Variants in CFAP20DC observed in about 807,000 individuals in gnomAD.
The protein encoded by CFAP20DC is protein CFAP20DC.
Under a neutral mutation model 101.7 loss-of-function variants are expected in CFAP20DC, and 84 were observed. The ratio of observed to expected loss-of-function variants is 0.83; its 90% CI spans 0.69 to 0.99. CFAP20DC has a LOEUF of 0.99. Ranked by LOEUF, CFAP20DC falls within the 50% of genes least tolerant of loss-of-function variation. CFAP20DC has a pLI of 0.00. For synonymous variants in CFAP20DC, 359 were observed against 351.2 expected (o/e 1.02, Z -0.25); for missense variants, 1,007 against 970.3 (o/e 1.04, Z -0.50).
chr3:58,744,066 T>C (rs1230834854), intron 16 of CFAP20DC, among the ~76,000 whole-genome samples: 1 of 152,222 alleles, frequency 6.6e-6, no homozygotes, highest in Admixed American at 6.5e-5. Context: ...TAGCAGTCTT[T>C]AAAAGTGGAG....
intron 6 of CFAP20DC, among the ~76,000 whole-genome samples, chr3:58,909,082 G>T: frequency 6.6e-6 from 1 of 152,062 alleles, no homozygotes; most frequent in South Asian, 2.1e-4. Flanking sequence ...GCTAGACACA[G>T]GTCTTTACCT....
rs543846367 is a variant in CFAP20DC, at chr3:58,810,889, A to C, written c.2176-4433T>G. Among the ~76,000 whole-genome samples, 540 of 151,930 alleles carry C rather than the reference A, an allele frequency of 3.6e-3. 2 individuals are homozygous for C. Among genetic ancestry groups the C allele is most frequent in the Non-Finnish European group, 4.6e-3 (315 of 68,012 alleles). The stretch of plus-strand genomic sequence containing the variant: ...TACAAAATCAATGTACAAAAATCAC[A>C]AGCATTCTTATACACCAATAACAGG... On this transcript the variant is annotated intron_variant, in intron 14 of 16. Transcript: ENST00000482387.
chr3:58,994,626 T>C (rs866442422), intron 4 of CFAP20DC, among the ~76,000 whole-genome samples: 82 of 152,270 alleles, frequency 5.4e-4, no homozygotes, highest in Middle Eastern at 3.4e-3. Context: ...GTACAATATA[T>C]ATCTAAATTG....
intron 3 of CFAP20DC, chr3:58,725,806 G>A (rs772755035): frequency 4.8e-6 from 1 of 207,248 alleles, no homozygotes; most frequent in Non-Finnish European, 9.8e-6. Flanking sequence ...GTAATGAGGA[G>A]AGTTCACCAA....
chr3:58,998,555 T>C (rs777852465), intron 4 of CFAP20DC, among the ~76,000 whole-genome samples: 13 of 152,192 alleles, frequency 8.5e-5, no homozygotes, highest in Non-Finnish European at 1.9e-4. Flanking sequence ...TTCACAATAA[T>C]CCTATGAGGC....
intron 4 of CFAP20DC, among the ~76,000 whole-genome samples, chr3:58,946,320 T>C (rs550848032): frequency 1.3e-5 from 2 of 152,008 alleles, no homozygotes; most frequent in South Asian, 4.2e-4. Context: ...TTTCACTATG[T>C]TGGCCAGGCT....
At chr3:58,834,296 G>C (rs2076591057) in intron 13 of CFAP20DC, among the ~76,000 whole-genome samples, 1 of 152,182 alleles carries the variant, frequency 6.6e-6, no homozygotes, top group Non-Finnish European at 1.5e-5. Context: ...CAAGTGACTT[G>C]CTGTTCTTCA....
intron 3 of CFAP20DC, among the ~76,000 whole-genome samples, chr3:59,042,278 G>A (rs866638210): frequency 1.3e-5 from 2 of 152,018 alleles, no homozygotes; most frequent in South Asian, 2.1e-4. Flanking sequence ...AGACAGAAGA[G>A]GAAATGCAGC....
At chr3:58,936,584 C>A (rs1033547242) in intron 5 of CFAP20DC, among the ~76,000 whole-genome samples, 1 of 152,170 alleles carries the variant, frequency 6.6e-6, no homozygotes, top group Admixed American at 6.5e-5. Flanking sequence ...CCATGGAATA[C>A]TATGCAGCCA....
chr3:58,988,905 C>G (rs2092839067), intron 4 of CFAP20DC, among the ~76,000 whole-genome samples: 1 of 152,008 alleles, frequency 6.6e-6, no homozygotes, highest in Non-Finnish European at 1.5e-5. Flanking sequence ...CCCATGGTTC[C>G]AAATGTTATG....
downstream of CFAP20DC, among the ~76,000 whole-genome samples, chr3:58,740,743 G>A (rs765799814): frequency 1.3e-5 from 2 of 151,678 alleles, no homozygotes; most frequent in Middle Eastern, 3.2e-3. This position sits in a 1 kb window ranked among gnomAD's most constrained non-coding sequence, Gnocchi z 4.6. Flanking sequence ...AAGTCTTCAC[G>A]AATATAAATT....
chr3:58,850,648 T>G (rs988372082), intron 12 of CFAP20DC, among the ~76,000 whole-genome samples: 2 of 144,770 alleles, frequency 1.4e-5, no homozygotes, highest in Non-Finnish European at 3.1e-5. Flanking sequence ...AAACAAAATA[T>G]ATAATAAATG....
intron 4 of CFAP20DC, among the ~76,000 whole-genome samples, chr3:58,973,059 T>C (rs998044777): frequency 3.9e-5 from 6 of 152,218 alleles, no homozygotes; most frequent in African/African-American, 9.6e-5. Context: ...GATTAAATGT[T>C]AGCAGCTCCC....
chr3:58,771,512 G>A (rs77141909), intron 15 of CFAP20DC, among the ~76,000 whole-genome samples: 10,981 of 152,036 alleles, frequency 0.072, 684 homozygotes, highest in East Asian at 0.35. Context: ...TAAGGGGATC[G>A]GAACAAGCTA....
intron 15 of CFAP20DC, among the ~76,000 whole-genome samples, chr3:58,773,397 AAAAAAGAAAAAG>A (rs1200043663): frequency 6.7e-6 from 1 of 149,862 alleles, no homozygotes; most frequent in African/African-American, 2.5e-5. Context: ...GCAAAAAAAA[AAAAAAGAAAAAG>A]AAAAAGAAAA....
chr3:59,039,177 T>C (rs183215367), intron 4 of CFAP20DC, among the ~76,000 whole-genome samples: 3 of 152,226 alleles, frequency 2.0e-5, no homozygotes, highest in African/African-American at 7.2e-5. Flanking sequence ...TAAAATAAGA[T>C]ATTTCAATCA....
intron 5 of CFAP20DC, among the ~76,000 whole-genome samples, chr3:58,936,795 G>C (rs1364865083): frequency 6.6e-6 from 1 of 152,078 alleles, no homozygotes; most frequent in Non-Finnish European, 1.5e-5. Flanking sequence ...GACGGGGAGG[G>C]ATAGCTTTAG....
At chr3:58,823,862 T>C (rs917388873) in intron 14 of CFAP20DC, among the ~76,000 whole-genome samples, 2 of 152,226 alleles carry the variant, frequency 1.3e-5, no homozygotes, top group African/African-American at 2.4e-5. Context: ...TTCATTCTCA[T>C]GACATGTCAC....
intron 15 of CFAP20DC, among the ~76,000 whole-genome samples, chr3:58,783,805 A>G (rs1000555593): frequency 3.3e-5 from 5 of 152,062 alleles, no homozygotes; most frequent in African/African-American, 1.2e-4. Context: ...CAAAACCCCA[A>G]AAACAAAAAA....
Sources: allele counts gnomAD v4.1 joint callset (sites outside exome capture counted in the v4.1 genomes callset), GRCh38; gene constraint gnomAD v4.1.1; non-coding constraint Gnocchi (gnomAD v3.1); transcripts MANE v1.5; gene names NCBI Gene and HGNC (gene_info 2026-07-23, HGNC 2026-07-21).